MYO5B: variants seen among roughly 807,000 people sequenced by gnomAD.
MYO5B encodes the protein unconventional myosin-Vb.
Under a neutral mutation model 229.3 loss-of-function variants are expected in MYO5B, and 143 were observed. The observed-to-expected ratio is 0.62, with a 90% confidence interval of 0.54 to 0.72. The LOEUF (loss-of-function observed/expected upper bound fraction) is 0.72. Among genes scored for constraint, MYO5B ranks in the 30% least tolerant of loss-of-function variants. The pLI, the probability that MYO5B is intolerant of heterozygous loss-of-function variation, is 0.00. For missense variants in MYO5B, 2,321 were observed against 2,331.0 expected (o/e 1.00, Z 0.09); for synonymous variants, 918 against 885.2 (o/e 1.04, Z -0.66).
chr18:50,013,030 T>C (rs928299247), intron 4 of MYO5B, among the ~76,000 whole-genome samples: 1 of 152,202 alleles, frequency 6.6e-6, no homozygotes, highest in Admixed American at 6.5e-5. Context: ...TTATCTAAAG[T>C]ACTCTTTTAT....
chr18:49,975,201 T>C (rs1040973649), intron 9 of MYO5B, among the ~76,000 whole-genome samples: 15 of 152,214 alleles, frequency 9.9e-5, no homozygotes, highest in African/African-American at 3.6e-4. Context: ...TAACCAGCTG[T>C]ATGCTCAGAA....
chr18:49,913,518 C>G (rs1035245039), intron 17 of MYO5B, among the ~76,000 whole-genome samples: 12 of 152,140 alleles, frequency 7.9e-5, no homozygotes. Context: ...TGGAGGTGTA[C>G]AGGCAGCCCC....
chr18:50,068,294 G>C (rs554665236), intron 1 of MYO5B, among the ~76,000 whole-genome samples: 1 of 152,280 alleles, frequency 6.6e-6, no homozygotes, highest in Non-Finnish European at 1.5e-5. Context: ...ACCCACACCA[G>C]GTGTTAAATC....
At chr18:49,968,324 G>A (rs1426761081) in intron 10 of MYO5B, among the ~76,000 whole-genome samples, 3 of 152,202 alleles carry the variant, frequency 2.0e-5, no homozygotes, top group African/African-American at 7.2e-5. Context: ...CAGGGAGAAG[G>A]CCTGGAAATT....
intron 1 of MYO5B, among the ~76,000 whole-genome samples, chr18:50,144,937 A>G (rs377722843): frequency 6.6e-6 from 1 of 152,252 alleles, no homozygotes; most frequent in African/African-American, 2.4e-5. Context: ...TCATGCCCAC[A>G]CTTCTTCAAA....
At chr18:49,848,515 T>A (rs997349253) in intron 32 of MYO5B, among the ~76,000 whole-genome samples, 2 of 151,724 alleles carry the variant, frequency 1.3e-5, no homozygotes, top group Non-Finnish European at 1.5e-5. Context: ...GGGGAGAGTG[T>A]GAGAGGATGA....
At chr18:50,179,613 G>A in intron 1 of MYO5B, among the ~76,000 whole-genome samples, 1 of 152,212 alleles carries the variant, frequency 6.6e-6, no homozygotes, top group Non-Finnish European at 1.5e-5. Context: ...ACAAGGAAAA[G>A]AGCCAAGGAC....
At chr18:50,162,372 C>T (rs1011458883) in intron 1 of MYO5B, among the ~76,000 whole-genome samples, 1 of 151,884 alleles carries the variant, frequency 6.6e-6, no homozygotes, top group Non-Finnish European at 1.5e-5. Flanking sequence ...GGAATCCCGG[C>T]GCCCAGTTTT....
Position 49,906,452 on chromosome 18 carries a change from A to G in MYO5B, c.2381T>C (p.Leu794Pro). 1 of 1,614,136 alleles carries G rather than the reference A, an allele frequency of 6.2e-7. No individual in the cohort carries two copies. The highest frequency in any genetic ancestry group is 8.5e-7 in the Non-Finnish European group (1 of 1,180,010). The change falls in exon 19 of 40, where the codon CTG (leucine) becomes CCG (proline). Residue 794 changes from leucine (L) to proline (P), a missense_variant. Around this residue, in one of 2 missense-constraint regions of MYO5B, gnomAD observed 2,113 missense variants for 2,044.7 expected, o/e 1.03. Coordinates refer to ENST00000285039, the MANE Select transcript of MYO5B (RefSeq NM_001080467.3). ...CAGGTGTCCCCGGCAGTACCTCTGC[A>G]GGGTTAAGGTAGCCCCCTTCAGCCT... ...YHRLKGATLT[L>P]QRYCRGHLAR...
chr18:49,840,720 G>A (rs145748310), intron 35 of MYO5B, among the ~76,000 whole-genome samples: 5 of 152,332 alleles, frequency 3.3e-5, no homozygotes, highest in Non-Finnish European at 7.4e-5. Flanking sequence ...GCAGAGTGCA[G>A]AGCATGGGAG....
intron 27 of MYO5B, among the ~76,000 whole-genome samples, chr18:49,869,948 C>T (rs759273136): frequency 2.6e-5 from 4 of 152,116 alleles, no homozygotes; most frequent in East Asian, 1.9e-4. Context: ...ATTGATGCCC[C>T]GAAAGTGCTA....
chr18:50,118,365 C>T (rs1168109609), intron 1 of MYO5B, among the ~76,000 whole-genome samples: 1 of 152,156 alleles, frequency 6.6e-6, no homozygotes, highest in Non-Finnish European at 1.5e-5. Context: ...TTGTCACAGC[C>T]TTTAGTAACT....
At position 49,862,083 on chromosome 18, in the gene MYO5B, C is replaced by T. The variant is rs183855130; in HGVS notation, c.3944+1144G>A. ...CATGATCTCGGCTCATTGCAACCTC[C>T]GCCTCCTGGGTTCAAGCAATTCTCC... On this transcript the variant is annotated intron_variant, in intron 29 of 39. Coordinates refer to ENST00000285039, the MANE Select transcript of MYO5B (RefSeq NM_001080467.3). Among the ~76,000 whole-genome samples the T allele has an allele frequency of 1.1e-4, 16 of 150,608 alleles. No individual in the cohort carries two copies. The East Asian group carries it at 2.9e-3, about 28-fold the overall frequency.
intron 4 of MYO5B, among the ~76,000 whole-genome samples, chr18:50,010,585 A>G (rs932017469): frequency 6.6e-6 from 1 of 152,256 alleles, no homozygotes; most frequent in Non-Finnish European, 1.5e-5. Context: ...TACATTCTAT[A>G]TCAACTGAAG....
At chr18:50,085,617 T>C (rs1599009526) in intron 1 of MYO5B, among the ~76,000 whole-genome samples, 1 of 152,252 alleles carries the variant, frequency 6.6e-6, no homozygotes, top group African/African-American at 2.4e-5. Flanking sequence ...CATGCACACA[T>C]ATGTTTTTTG....
chr18:49,864,528 C>G (rs1350915067), intron 27 of MYO5B, 148 bp from the exon 28 acceptor site: 4 of 1,155,222 alleles, frequency 3.5e-6, no homozygotes, highest in Non-Finnish European at 4.9e-6. Context: ...CTGCCATCAG[C>G]AAGCAGTCAA....
In MYO5B at chr18:49,913,833, G is replaced by A. The variant is rs566950866; in HGVS notation, c.2091-1660C>T. 2.0e-3 allele frequency among the ~76,000 whole-genome samples: 297 copies of A among 152,134 alleles called. 1 individual carries two copies. The highest frequency in any genetic ancestry group is 3.3e-3 in the Non-Finnish European group (224 of 68,004). Reference sequence around the variant, plus strand: ...AGGAGACAAAGAGACAAGCAGATCAGTGGCAGAACAGCACGACAGAAAGAG... The same window carrying A: ...AGGAGACAAAGAGACAAGCAGATCAATGGCAGAACAGCACGACAGAAAGAG... On this transcript the variant is annotated intron_variant, in intron 17 of 39. Transcript: ENST00000285039.
At position 50,036,847 on chromosome 18, in the gene MYO5B, C is replaced by T. The variant is rs771831994; in HGVS notation, c.455+3G>A. ...AGGACTTCTGGGCTGAGGACATTCT[C>T]ACCTGGCCATCTGCTTGTAGGCTTC... On this transcript the variant is annotated splice_donor_region_variant and intron_variant, in intron 4 of 39. Coordinates refer to ENST00000285039, the MANE Select transcript of MYO5B (RefSeq NM_001080467.3). The T allele has an allele frequency of 3.1e-6, 5 of 1,614,106 alleles. No individual in the cohort carries two copies. The South Asian group carries it at 4.4e-5, about 14-fold the overall frequency.
chr18:50,032,413 G>A (rs1434931064), intron 4 of MYO5B, among the ~76,000 whole-genome samples: 1 of 152,120 alleles, frequency 6.6e-6, no homozygotes, highest in African/African-American at 2.4e-5. Context: ...TCTACTTTCT[G>A]TCTCTATAGA....
Sources: allele counts gnomAD v4.1 joint callset (sites outside exome capture counted in the v4.1 genomes callset), GRCh38; gene constraint gnomAD v4.1.1; regional missense constraint gnomAD v4.1.1; transcripts MANE v1.5; gene names NCBI Gene and HGNC (gene_info 2026-07-23, HGNC 2026-07-21).